TFCP2: variants seen among roughly 807,000 people sequenced by gnomAD.
The protein encoded by TFCP2 is transcription factor CP2, also known as alpha-globin transcription factor CP2.
In TFCP2, 33 loss-of-function variants were observed where a neutral mutation model predicts 73.4. The ratio of observed to expected loss-of-function variants is 0.45; its 90% CI spans 0.34 to 0.60. The LOEUF (loss-of-function observed/expected upper bound fraction) is 0.60. TFCP2 is among the 20% of genes least tolerant of loss of function. The pLI is 0.01. For missense variants in TFCP2, 352 were observed against 604.0 expected, an observed-to-expected ratio of 0.58 and a Z score of 4.37; for synonymous variants, 193 against 211.6, an observed-to-expected ratio of 0.91 and a Z score of 0.76.
At chr12:51,138,526 T>C (rs1365462830) in intron 1 of TFCP2, among the ~76,000 whole-genome samples, 3 of 152,154 alleles carry the variant, frequency 2.0e-5, no homozygotes, top group Non-Finnish European at 1.5e-5. Flanking sequence ...CCAGAATAGT[T>C]AGTCCTATGA....
At chr12:51,146,021 A>C (rs1941291836) in intron 1 of TFCP2, among the ~76,000 whole-genome samples, 1 of 152,102 alleles carries the variant, frequency 6.6e-6, no homozygotes, top group African/African-American at 2.4e-5. Context: ...CAAGCCACAA[A>C]CTGGCAGAAT....
chr12:51,151,519 C>A (rs141029282), intron 1 of TFCP2, among the ~76,000 whole-genome samples: 1 of 152,156 alleles, frequency 6.6e-6, no homozygotes, highest in Non-Finnish European at 1.5e-5. Flanking sequence ...TCACTGCAAG[C>A]TCTGCCTCCC....
chr12:51,134,793 T>G lies in TFCP2; in HGVS notation c.123-16021A>C, dbSNP rs368625715. On this transcript the variant is annotated intron_variant, in intron 1 of 14. Transcript: ENST00000257915. Reference sequence around the variant, plus strand: ...TAATTCAGCTACTTAAGTACAGGAATAATATCTACTTAAATAGATAATCAA... The same window carrying G: ...TAATTCAGCTACTTAAGTACAGGAAGAATATCTACTTAAATAGATAATCAA... 1.5e-3 allele frequency among the ~76,000 whole-genome samples: 221 copies of G among 152,354 alleles called. 1 individual carries two copies. Among genetic ancestry groups the G allele is most frequent in the Middle Eastern group, 0.01 (3 of 294 alleles).
At chr12:51,112,645 T>A (rs1481917240) in intron 4 of TFCP2, among the ~76,000 whole-genome samples, 3 of 152,112 alleles carry the variant, frequency 2.0e-5, no homozygotes, top group Non-Finnish European at 4.4e-5. Flanking sequence ...GGCGGGTGGA[T>A]CATTTGAGGT....
intron 3 of TFCP2, 104 bp from the exon 4 acceptor site, chr12:51,116,524 T>C: frequency 9.7e-6 from 5 of 517,718 alleles, no homozygotes; most frequent in Non-Finnish European, 1.7e-5. Flanking sequence ...CTAAACGCAA[T>C]CTAAAATTAT....
intron 1 of TFCP2, among the ~76,000 whole-genome samples, chr12:51,160,261 G>A (rs1272443407): frequency 3.3e-5 from 5 of 150,390 alleles, no homozygotes; most frequent in Admixed American, 1.3e-4. Context: ...TCAGCCTCCC[G>A]AGTGGCTGGG....
chr12:51,116,745 G>A (rs1940537089), intron 3 of TFCP2, among the ~76,000 whole-genome samples: 1 of 151,856 alleles, frequency 6.6e-6, no homozygotes, highest in South Asian at 2.1e-4. Context: ...AGCCTCCTGA[G>A]TAGCTGGGAT....
chr12:51,099,529 G>T, intron 12 of TFCP2, 126 bp downstream of exon 12: 1 of 1,237,938 alleles, frequency 8.1e-7, no homozygotes, highest in Non-Finnish European at 1.1e-6. Flanking sequence ...CTTAATAAAT[G>T]CTAGTGATTA....
chr12:51,117,587 G>A, intron 3 of TFCP2, 84 bp downstream of exon 3: 1 of 1,100,868 alleles, frequency 9.1e-7, no homozygotes, highest in Non-Finnish European at 1.3e-6. Context: ...GGAAGCAAAA[G>A]AACATTAACA....
At chr12:51,137,397 A>G (rs767619534) in intron 1 of TFCP2, among the ~76,000 whole-genome samples, 32 of 152,216 alleles carry the variant, frequency 2.1e-4, no homozygotes, top group Non-Finnish European at 4.1e-4. Context: ...TGGAAGCTGA[A>G]AAGTATCTGT....
At position 51,172,523 on chromosome 12, in the gene TFCP2, C is replaced by A. The variant is rs1337908349; in HGVS notation, c.-101G>T. 8 of 1,534,950 alleles carry A rather than the reference C, an allele frequency of 5.2e-6. No homozygotes were observed. The African/African-American group carries it at 6.8e-5, about 13-fold the overall frequency. The stretch of plus-strand genomic sequence containing the variant: ...AACGCAAACCAAGAAAACTACAAAC[C>A]AAGGTTTCCCACGCAGTGCCCACCA... On this transcript the variant is annotated 5_prime_UTR_variant, in exon 1 of 15. Coordinates refer to ENST00000257915, the MANE Select transcript of TFCP2 (RefSeq NM_005653.5).
intron 1 of TFCP2, among the ~76,000 whole-genome samples, chr12:51,122,614 G>T (rs74406372): frequency 1.3e-5 from 2 of 152,016 alleles, no homozygotes; most frequent in African/African-American, 4.8e-5. Context: ...AACACAAAAG[G>T]CACTTTCTTT....
chr12:51,111,111 G>GTT, intron 4 of TFCP2, 128 bp from the exon 5 acceptor site: 75 of 479,996 alleles, frequency 1.6e-4, no homozygotes, highest in South Asian at 1.9e-4. Flanking sequence ...AAATTTCTTT[G>GTT]TTTTTTTTTT....
chr12:51,147,219 T>C (rs933971070), intron 1 of TFCP2, among the ~76,000 whole-genome samples: 1 of 152,078 alleles, frequency 6.6e-6, no homozygotes, highest in Non-Finnish European at 1.5e-5. Flanking sequence ...GACACATGCC[T>C]GTAATCCCAG....
chr12:51,107,041 T>G, intron 7 of TFCP2, 195 bp downstream of exon 7: 1 of 615,872 alleles, frequency 1.6e-6, no homozygotes, highest in Non-Finnish European at 2.9e-6. Flanking sequence ...GAAAGATAAC[T>G]TGGACACAGA....
chr12:51,116,463 A>C (rs1940531143), intron 3 of TFCP2, 43 bp from the exon 4 acceptor site: 1 of 1,120,214 alleles, frequency 8.9e-7, no homozygotes, highest in East Asian at 2.5e-5. Context: ...AGACCTCTTG[A>C]AAATCAGTGC....
At chr12:51,115,287 T>C (rs1940506003) in intron 4 of TFCP2, among the ~76,000 whole-genome samples, 1 of 151,836 alleles carries the variant, frequency 6.6e-6, no homozygotes, top group Non-Finnish European at 1.5e-5. Context: ...GCCCAGCTAA[T>C]TTCTTTGTAT....
intron 1 of TFCP2, among the ~76,000 whole-genome samples, chr12:51,123,919 C>T (rs1190077020): frequency 2.0e-5 from 3 of 152,198 alleles, no homozygotes; most frequent in South Asian, 2.1e-4. Flanking sequence ...AGGTCTACAT[C>T]GCTAAACCTA....
chr12:51,116,860 G>A (rs906165644), intron 3 of TFCP2, among the ~76,000 whole-genome samples: 4 of 152,178 alleles, frequency 2.6e-5, no homozygotes, highest in South Asian at 4.1e-4. Context: ...CAGGCGACCC[G>A]CCCGCCTCAG....
Sources: gnomAD v4.1 joint callset for allele counts (sites outside exome capture counted in the v4.1 genomes callset) on GRCh38, gnomAD v4.1.1 for gene constraint, MANE v1.5 for transcripts, NCBI Gene and HGNC (gene_info 2026-07-23, HGNC 2026-07-21) for gene names.